The following ROR2 variants were observed in gnomAD, a reference collection of about 807,000 sequenced individuals.
ROR2 encodes tyrosine-protein kinase transmembrane receptor ROR2.
In ROR2, 33 loss-of-function variants were observed where a neutral mutation model predicts 74.9. That is an observed-to-expected ratio of 0.44 (90% CI 0.33 to 0.59). The LOEUF (loss-of-function observed/expected upper bound fraction) is 0.59, where lower values mean the gene tolerates loss of function less well. Ranked by LOEUF, ROR2 falls within the 20% of genes least tolerant of loss-of-function variation. ROR2 has a pLI of 0.02. For synonymous variants in ROR2, 586 were observed against 558.7 expected, an observed-to-expected ratio of 1.05 and a Z score of -0.69; for missense variants, 1,216 against 1,313.8, an observed-to-expected ratio of 0.93 and a Z score of 1.15.
intron 1 of ROR2, 82 bp from the exon 2 acceptor site, chr9:91,775,900 G>T: frequency 8.7e-7 from 1 of 1,154,466 alleles, no homozygotes; most frequent in Non-Finnish European, 1.3e-6. Flanking sequence ...AAAGACAACA[G>T]CATTCTAGCA....
intron 2 of ROR2, 106 bp downstream of exon 2, chr9:91,775,635 G>A: frequency 2.0e-6 from 2 of 1,017,080 alleles, no homozygotes; most frequent in South Asian, 1.3e-5. Context: ...GGGCACCAAG[G>A]GGCCAGAGGA....
intron 1 of ROR2, among the ~76,000 whole-genome samples, chr9:91,831,451 TG>T (rs1828463675): frequency 3.3e-5 from 5 of 152,072 alleles, no homozygotes; most frequent in Admixed American, 3.3e-4. Context: ...TAGAGGCACC[TG>T]GGGGGACAAC....
intron 1 of ROR2, among the ~76,000 whole-genome samples, chr9:91,779,789 A>T (rs1826551016): frequency 6.6e-6 from 1 of 152,234 alleles, no homozygotes; most frequent in South Asian, 2.1e-4. Flanking sequence ...TTAATATGTT[A>T]TTCAATGATT....
At chr9:91,838,377 C>T (rs990220167) in intron 1 of ROR2, among the ~76,000 whole-genome samples, 2 of 152,194 alleles carry the variant, frequency 1.3e-5, no homozygotes, top group African/African-American at 4.8e-5. Context: ...AGGGCTGAGA[C>T]GCCCTTCTGC....
At chr9:91,885,318 C>T (rs6479378) in intron 1 of ROR2, among the ~76,000 whole-genome samples, 1 of 151,326 alleles carries the variant, frequency 6.6e-6, no homozygotes, top group Non-Finnish European at 1.5e-5. Flanking sequence ...GGTTGGGGGG[C>T]GGTAGGGCAG....
At chr9:91,856,390 C>T (rs745640711) in intron 1 of ROR2, among the ~76,000 whole-genome samples, 5 of 152,224 alleles carry the variant, frequency 3.3e-5, no homozygotes, top group Non-Finnish European at 7.3e-5. Context: ...CATGTCTGGG[C>T]TAAATTGTGT....
At chr9:91,909,847 G>GTTTTGTTTTTT (rs1830917603) in intron 1 of ROR2, among the ~76,000 whole-genome samples, 2 of 53,598 alleles carry the variant, frequency 3.7e-5, no homozygotes, top group Non-Finnish European at 6.2e-5. Context: ...GGTTTGTTTT[G>GTTTTGTTTTTT]TTTTTTTTTT....
At chr9:91,936,315 G>C (rs1448566486) in intron 1 of ROR2, among the ~76,000 whole-genome samples, 1 of 152,176 alleles carries the variant, frequency 6.6e-6, no homozygotes, top group East Asian at 1.9e-4. Flanking sequence ...TGGAGGCCAG[G>C]AGTTGGCAGG....
intron 1 of ROR2, among the ~76,000 whole-genome samples, chr9:91,812,812 C>A (rs1278299052): frequency 1.3e-5 from 2 of 152,182 alleles, no homozygotes; most frequent in African/African-American, 4.8e-5. Context: ...TCTACCCCTT[C>A]ACCAAAGAGA....
Position 91,801,661 on chromosome 9 carries a change from T to C in ROR2, c.98-25843A>G, listed in dbSNP as rs183937771. Among the ~76,000 whole-genome samples, 512 of 152,192 alleles carry C rather than the reference T, an allele frequency of 3.4e-3. 3 individuals are homozygous for C. Among genetic ancestry groups the C allele is most frequent in the Middle Eastern group, 6.8e-3 (2 of 294 alleles). The stretch of plus-strand genomic sequence containing the variant: ...CTTTTCTCCTTGTCCATCTATCTCA[T>C]GCCGGAATCCCCAGGAGGGGAGAGG... On this transcript the variant is annotated intron_variant, in intron 1 of 8. Transcript: ENST00000375708.
At chr9:91,848,142 T>C (rs989306186) in intron 1 of ROR2, among the ~76,000 whole-genome samples, 2 of 152,244 alleles carry the variant, frequency 1.3e-5, no homozygotes, top group Non-Finnish European at 2.9e-5. Context: ...GGTTTGATGC[T>C]ATTTCTTGAT....
At chr9:91,938,321 G>A (rs977369803) in intron 1 of ROR2, among the ~76,000 whole-genome samples, 11 of 152,156 alleles carry the variant, frequency 7.2e-5, no homozygotes, top group African/African-American at 2.7e-4. Flanking sequence ...TAGTTAGCCA[G>A]ATGTTGGTAG....
chr9:91,884,090 G>A (rs1830204043), intron 1 of ROR2, among the ~76,000 whole-genome samples: 1 of 152,196 alleles, frequency 6.6e-6, no homozygotes, highest in Admixed American at 6.5e-5. Context: ...CCAAAGGGAA[G>A]CTCTGTACTT....
intron 2 of ROR2, among the ~76,000 whole-genome samples, chr9:91,762,132 T>C (rs894642786): frequency 2.6e-5 from 4 of 152,182 alleles, no homozygotes; most frequent in Non-Finnish European, 5.9e-5. Context: ...TGATTCCTCA[T>C]TGCATCACTC....
At chr9:91,744,187 G>A (rs1043057902) in intron 4 of ROR2, among the ~76,000 whole-genome samples, 3 of 143,194 alleles carry the variant, frequency 2.1e-5, no homozygotes, top group African/African-American at 7.7e-5. Flanking sequence ...CTGGCGCACA[G>A]TTGACCCTCC....
intron 1 of ROR2, among the ~76,000 whole-genome samples, chr9:91,851,995 T>C (rs1400138707): frequency 6.7e-6 from 1 of 148,560 alleles, no homozygotes; most frequent in Non-Finnish European, 1.5e-5. Context: ...AAAAAGACAA[T>C]AGGGTTTTCT....
Position 91,724,992 on chromosome 9 carries a change from G to A in ROR2, c.1502C>T (p.Thr501Ile). 3 of 1,613,758 alleles carry A rather than the reference G, an allele frequency of 1.9e-6. No homozygotes were observed. The highest frequency in any genetic ancestry group is 2.5e-6 in the Non-Finnish European group (3 of 1,180,018). ...HLFGPAPGEQ[T>I]QAVAIKTLKD... ...CAGCGTTTTGATGGCCACAGCCTGG[G>A]TCTGCTCCCCCGGGGCAGGGCCGAA... The change falls in exon 9 of 9, where the codon ACC becomes ATC. Residue 501 changes from threonine to isoleucine, a missense_variant. Coordinates refer to ENST00000375708, the MANE Select transcript of ROR2 (RefSeq NM_004560.4).
rs140097460 is a variant in ROR2, at chr9:91,932,685, A to G, written c.97+17182T>C. Reference sequence around the variant, plus strand: ...TCAAAAAAAAAAAAGAAAGAAAGAAAAGAAAACAGAAATAGTTGTAGAAAC... The same window carrying G: ...TCAAAAAAAAAAAAGAAAGAAAGAAGAGAAAACAGAAATAGTTGTAGAAAC... On this transcript the variant is annotated intron_variant, in intron 1 of 8. Coordinates refer to ENST00000375708, the MANE Select transcript of ROR2 (RefSeq NM_004560.4). Among the ~76,000 whole-genome samples, 6 of 152,238 alleles carry G rather than the reference A, an allele frequency of 3.9e-5. No individual in the cohort carries two copies. The East Asian group carries it at 1.2e-3, about 29-fold the overall frequency.
intron 1 of ROR2, among the ~76,000 whole-genome samples, chr9:91,808,212 G>C (rs1827629064): frequency 6.6e-6 from 1 of 152,184 alleles, no homozygotes; most frequent in African/African-American, 2.4e-5. Flanking sequence ...CATTTTCCAA[G>C]TGTCTTAAGA....
Sources: gnomAD v4.1 joint callset for allele counts (sites outside exome capture counted in the v4.1 genomes callset) on GRCh38, gnomAD v4.1.1 for gene constraint, MANE v1.5 for transcripts, NCBI Gene and HGNC (gene_info 2026-07-23, HGNC 2026-07-21) for gene names.